OSBPL10: variants seen among roughly 807,000 people sequenced by gnomAD.
OSBPL10 encodes the protein oxysterol binding protein like 10, also known as oxysterol-binding protein-related protein 10.
A neutral mutation model predicts 81.7 loss-of-function variants in OSBPL10; 49 were observed. The ratio of observed to expected loss-of-function variants is 0.60; its 90% CI spans 0.48 to 0.76. The LOEUF is 0.76. OSBPL10 is among the 30% of genes least tolerant of loss of function. The pLI, the probability that OSBPL10 is intolerant of heterozygous loss-of-function variation, is 0.00. For synonymous variants in OSBPL10, 419 were observed against 383.6 expected, an observed-to-expected ratio of 1.09 and a Z score of -1.08; for missense variants, 923 against 987.8, an observed-to-expected ratio of 0.93 and a Z score of 0.88.
chr3:31,980,820 GAC>G lies in OSBPL10; in HGVS notation c.281+77_281+78del, dbSNP rs1284787062. 3.5e-6 allele frequency: 5 copies of G among 1,420,976 alleles called. No individual in the cohort carries two copies. In the South Asian group the frequency reaches 4.5e-5, roughly 13 times the overall value. 88.0% of individuals were successfully genotyped at this position (1,420,976 alleles called of 1,614,324 possible). On this transcript the variant is annotated intron_variant, in intron 1 of 11. Transcript: ENST00000396556. Reference sequence around the variant, plus strand: ...AATCGCGCGCGCACACACATACACAGACACACATACACACACGCACGCACACA... The same window carrying G: ...AATCGCGCGCGCACACACATACACAGACACATACACACACGCACGCACACA...
rs779695869 is a variant in OSBPL10, at chr3:31,980,892, G to A, written c.281+7C>T. On this transcript the variant is annotated splice_region_variant and intron_variant, in intron 1 of 11. Transcript: ENST00000396556. ...GCGCGCGGTGGCGCGGGCGGCTGGCGCGTTACCTGTTCTGCCAGCCCTGGA... is the reference window on the plus strand; with the variant it reads ...GCGCGCGGTGGCGCGGGCGGCTGGCACGTTACCTGTTCTGCCAGCCCTGGA... 4.5e-6 allele frequency: 7 copies of A among 1,561,426 alleles called. No individual in the cohort carries two copies. In the South Asian group the frequency reaches 5.8e-5, roughly 13 times the overall value.
chr3:31,900,995 ACT>A (rs1309118825), intron 1 of OSBPL10, among the ~76,000 whole-genome samples: 39 of 152,332 alleles, frequency 2.6e-4, no homozygotes, highest in Admixed American at 9.1e-4. Context: ...CTGTGAGAAC[ACT>A]CTATCTCTGC....
chr3:31,795,626 G>A (rs1699187560), intron 4 of OSBPL10: 1 of 202,336 alleles, frequency 4.9e-6, no homozygotes, highest in South Asian at 1.2e-4. Context: ...AAATGTTTTA[G>A]ACAAAAGGGC....
At chr3:32,068,678 G>C (rs1699800832) in intron 1 of OSBPL10, among the ~76,000 whole-genome samples, 1 of 151,716 alleles carries the variant, frequency 6.6e-6, no homozygotes, top group Non-Finnish European at 1.5e-5. Flanking sequence ...GATCATTTTT[G>C]TCGAAAAATG....
intron 8 of OSBPL10, among the ~76,000 whole-genome samples, chr3:31,678,087 C>CAAAAAAAAAAAAAAAAAAAAAAAAA (rs1174037204): frequency 1.3e-5 from 1 of 76,660 alleles, no homozygotes; most frequent in African/African-American, 5.5e-5. Flanking sequence ...GACTCCGTCT[C>CAAAAAAAAAAAAAAAAAAAAAAAAA]AAAAAAAAAA....
intron 1 of OSBPL10, among the ~76,000 whole-genome samples, chr3:31,943,997 T>TAAAAAAAAAAAAA (rs1697618363): frequency 9.4e-6 from 1 of 106,340 alleles, no homozygotes; most frequent in African/African-American, 5.0e-5. Context: ...AAAAAAAAAG[T>TAAAAAAAAAAAAA]TCTTTAGAAA....
intron 6 of OSBPL10, chr3:31,714,597 C>T (rs570282586): frequency 6.6e-6 from 1 of 152,580 alleles, no homozygotes; most frequent in East Asian, 1.9e-4. Flanking sequence ...GGGCCGTTCT[C>T]ATCTCAGCTC....
chr3:31,990,362 G>A, intron 2 of OSBPL10: 3 of 1,614,078 alleles, frequency 1.9e-6, no homozygotes, highest in Non-Finnish European at 2.5e-6. Context: ...TCTTACAAGT[G>A]TAATAAATGT....
At chr3:31,751,893 T>C (rs1697733830) in intron 4 of OSBPL10, among the ~76,000 whole-genome samples, 2 of 152,224 alleles carry the variant, frequency 1.3e-5, no homozygotes, top group South Asian at 2.1e-4. Flanking sequence ...GTAGGATTTC[T>C]AGCCTTGGAG....
At chr3:31,932,564 T>A (rs1697278718) in intron 1 of OSBPL10, among the ~76,000 whole-genome samples, 1 of 152,224 alleles carries the variant, frequency 6.6e-6, no homozygotes, top group Non-Finnish European at 1.5e-5. Context: ...AAGTTTTACA[T>A]TGCGTATAAT....
chr3:31,760,503 C>A (rs568595137), intron 4 of OSBPL10, among the ~76,000 whole-genome samples: 2 of 152,114 alleles, frequency 1.3e-5, no homozygotes, highest in Admixed American at 1.3e-4. Flanking sequence ...CCTAATACAA[C>A]GTAAATTCCA....
chr3:32,045,844 T>C (rs1020138290), intron 2 of OSBPL10: 3 of 152,244 alleles, frequency 2.0e-5, no homozygotes, highest in Non-Finnish European at 4.4e-5. Context: ...TGTGTGTGAT[T>C]ACTCAATGTT....
chr3:31,798,502 AT>A (rs1226219815), intron 4 of OSBPL10, among the ~76,000 whole-genome samples: 7 of 152,154 alleles, frequency 4.6e-5, no homozygotes, highest in Admixed American at 6.5e-5. Context: ...AAAATATTAC[AT>A]TTTTTTAATA....
chr3:31,689,806 T>G (rs1050564216), intron 7 of OSBPL10, among the ~76,000 whole-genome samples: 11 of 152,154 alleles, frequency 7.2e-5, no homozygotes, highest in Admixed American at 1.3e-4. Flanking sequence ...CCCAGCCATT[T>G]GGAACTATAA....
chr3:31,768,979 C>A (rs1286549622), intron 4 of OSBPL10, among the ~76,000 whole-genome samples: 1 of 152,078 alleles, frequency 6.6e-6, no homozygotes, highest in Non-Finnish European at 1.5e-5. Flanking sequence ...GAATGGACAC[C>A]TTTGGCAGAC....
At position 31,912,040 on chromosome 3, in the gene OSBPL10, AAC is replaced by A. The variant is rs558661071; in HGVS notation, c.282-32212_282-32211del. Among the ~76,000 whole-genome samples, 9 of 152,296 alleles carry A rather than the reference AAC, an allele frequency of 5.9e-5. No individual in the cohort carries two copies. The South Asian group carries it at 6.2e-4, about 11-fold the overall frequency. On this transcript the variant is annotated intron_variant, in intron 1 of 11. Transcript: ENST00000396556. ...TGCCACGGTACAGTATGCCGAAAAA[AAC>A]AGTTAAAATGATAAATTTTGTTATG...
rs531164059 is a variant in OSBPL10 at position 31,807,277 on chromosome 3, G to A, written c.729+22763C>T. 3.3e-5 allele frequency among the ~76,000 whole-genome samples: 5 copies of A among 152,178 alleles called. No individual in the cohort carries two copies. In the East Asian group the frequency reaches 9.7e-4, roughly 29 times the overall value. The stretch of plus-strand genomic sequence containing the variant: ...CACCTGTAATCCCAGCTAGTCGGGA[G>A]GCTGGGAATTGCTTGAACCCAGGAG... On this transcript the variant is annotated intron_variant, in intron 4 of 11. Coordinates refer to ENST00000396556, the MANE Select transcript of OSBPL10 (RefSeq NM_017784.5).
At chr3:31,777,898 A>G (rs536212635) in intron 4 of OSBPL10, among the ~76,000 whole-genome samples, 2 of 152,320 alleles carry the variant, frequency 1.3e-5, no homozygotes, top group East Asian at 3.9e-4. Flanking sequence ...ATGCCTGACA[A>G]TGTCTCACAG....
At chr3:31,868,724 C>G (rs1701244590) in intron 3 of OSBPL10, among the ~76,000 whole-genome samples, 1 of 152,134 alleles carries the variant, frequency 6.6e-6, no homozygotes, top group Non-Finnish European at 1.5e-5. Flanking sequence ...AGAATTAAAG[C>G]CAATGAAACT....
Sources: gnomAD v4.1 joint callset for allele counts (sites outside exome capture counted in the v4.1 genomes callset) on GRCh38, gnomAD v4.1.1 for gene constraint, MANE v1.5 for transcripts, NCBI Gene and HGNC (gene_info 2026-07-23, HGNC 2026-07-21) for gene names.